Variants in AIFM1 observed in about 807,000 individuals in gnomAD.
AIFM1 encodes apoptosis-inducing factor 1, mitochondrial.
In AIFM1, 3 loss-of-function variants were observed where a neutral mutation model predicts 51.7. The observed-to-expected ratio is 0.06, with a 90% CI of 0.03 to 0.15. AIFM1 has a LOEUF of 0.15. Ranked by LOEUF, AIFM1 falls within the 10% of genes least tolerant of loss-of-function variation. The pLI is 1.00. For missense variants in AIFM1, 330 were observed against 476.8 expected, an observed-to-expected ratio of 0.69 and a Z score of 2.87; for synonymous variants, 178 against 179.4, an observed-to-expected ratio of 0.99 and a Z score of 0.06.
At position 130,136,124 on chromosome X, in the gene AIFM1, G is replaced by A. The variant is rs2030326148; in HGVS notation, c.1226C>T (p.Thr409Ile). The A allele has an allele frequency of 1.7e-6, 2 of 1,211,751 alleles. No homozygotes were observed. Among genetic ancestry groups the A allele is most frequent in the Non-Finnish European group, 2.2e-6 (2 of 895,374 alleles). ...GLEPNVELAK[T>I]GGLEIDSDFG... Reference sequence around the variant, plus strand: ...ATCTGAGTCTATTTCCAGGCCACCAGTCTTGGCCAACTCAACATTGGGCTC... The same window carrying A: ...ATCTGAGTCTATTTCCAGGCCACCAATCTTGGCCAACTCAACATTGGGCTC... Residue 409 changes from threonine (T) to isoleucine (I), a missense_variant, in exon 12 of 16, where the codon ACT (threonine) becomes ATT (isoleucine). Thr to Ile is a moderately conservative substitution (Grantham distance 89). Coordinates refer to ENST00000287295, the MANE Select transcript of AIFM1 (RefSeq NM_004208.4).
rs768150472 is a variant in AIFM1, at chrX:130,139,820, T to C, written c.833A>G (p.Lys278Arg). 5 of 1,209,345 alleles carry C rather than the reference T, an allele frequency of 4.1e-6. No homozygotes were observed. In the East Asian group the frequency reaches 1.5e-4, roughly 36 times the overall value. Residue 278 changes from lysine to arginine, a missense_variant, in exon 8 of 16, where the codon AAG (lysine) becomes AGG (arginine). Physicochemically the swap from Lys to Arg is conservative, Grantham distance 26. This residue lies in a region of AIFM1 where 152 missense variants were observed against 292.8 expected (regional missense o/e 0.52). Transcript: ENST00000287295. ...CTTTCTGAAAAGCGTTGTTCTACTC[T>C]TCACCTCTGCTCCAGCCCTATCAAT... The part of the protein sequence containing the change: ...SAIDRAGAEV[K>R]SRTTLFRKIG...
chrX:130,139,740 G>A, intron 8 of AIFM1, 55 bp downstream of exon 8: 1 of 1,157,327 alleles, frequency 8.6e-7, no homozygotes, highest in South Asian at 1.8e-5. Flanking sequence ...GGGACTGCAA[G>A]ATTATACTAC....
chrX:130,136,267 T>C, intron 11 of AIFM1, 82 bp from the exon 12 acceptor site: 1 of 1,101,823 alleles, frequency 9.1e-7, no homozygotes, highest in Non-Finnish European at 1.2e-6. Flanking sequence ...CTTCATGCCA[T>C]TAAGAATTGG....
intron 12 of AIFM1, among the ~76,000 whole-genome samples, chrX:130,133,795 A>G (rs1282824716): frequency 7.0e-5 from 7 of 99,873 alleles, no homozygotes; most frequent in African/African-American, 2.5e-4. Flanking sequence ...GCCTGGCTAA[A>G]TTTTTTTTTT....
intron 1 of AIFM1, among the ~76,000 whole-genome samples, chrX:130,164,993 G>A (rs1282441394): frequency 9.2e-6 from 1 of 109,118 alleles, no homozygotes; most frequent in Non-Finnish European, 1.9e-5. Context: ...GAAGTACACG[G>A]CTCAGGCATC....
At chrX:130,160,631 T>A (rs2031314942) in intron 1 of AIFM1, among the ~76,000 whole-genome samples, 1 of 112,081 alleles carries the variant, frequency 8.9e-6, no homozygotes, top group Non-Finnish European at 1.9e-5. Context: ...TTGCCCAGAC[T>A]AGACTCAAAC....
Position 130,139,863 on chromosome X carries a change from G to A in AIFM1, c.790C>T (p.Pro264Ser). The change falls in exon 8 of 16, where the codon CCA (proline) becomes TCA (serine). Residue 264 changes from proline to serine, a missense_variant. By Grantham distance (74) the Pro-to-Ser change is moderately conservative. Around this residue, in one of 4 missense-constraint regions of AIFM1, gnomAD observed 152 missense variants for 292.8 expected, o/e 0.52. Transcript: ENST00000287295. Reference sequence around the variant, plus strand: ...CTATCAATGGCAGACAGACTTCTTGGAGTACCTCCTGGAAATAAGAGAAGG... The same window carrying A: ...CTATCAATGGCAGACAGACTTCTTGAAGTACCTCCTGGAAATAAGAGAAGG... ...EKCLIATGGT[P>S]RSLSAIDRAG... is the part of the protein sequence containing the mutation. 8.3e-7 allele frequency: 1 copy of A among 1,209,083 alleles called. No homozygotes were observed. Among genetic ancestry groups the A allele is most frequent in the Non-Finnish European group, 1.1e-6 (1 of 893,353 alleles).
intron 6 of AIFM1, among the ~76,000 whole-genome samples, chrX:130,143,672 A>G (rs1169674956): frequency 2.0e-5 from 2 of 100,854 alleles, no homozygotes; most frequent in East Asian, 5.9e-4. Context: ...CCTACATGGT[A>G]AAACCCCATC....
chrX:130,150,977 CAAA>C (rs759870161), intron 2 of AIFM1, among the ~76,000 whole-genome samples: 21 of 27,794 alleles, frequency 7.6e-4, no homozygotes, highest in African/African-American at 3.6e-3. Flanking sequence ...GACTCTGTCT[CAAA>C]AAAAAAAAAA....
intron 5 of AIFM1, among the ~76,000 whole-genome samples, chrX:130,146,451 ATGTGTGTG>A (rs60694841): frequency 0.014 from 1,280 of 89,413 alleles, 23 homozygotes; most frequent in African/African-American, 0.048. Context: ...CTCTCAAAAT[ATGTGTGTG>A]TGTGTGTGTG....
rs138662844 is a variant in AIFM1 at position 130,149,477 on chromosome X, G to A, written c.341C>T (p.Ala114Val). 5.6e-5 allele frequency: 67 copies of A among 1,204,315 alleles called. No individual in the cohort carries two copies. The African/African-American group carries it at 8.1e-4, about 15-fold the overall frequency. ...CTTAAGGGAATACTCACCAGATAAC[G>A]CGGCCTTTTTCTGTTTCTGTTCTGG... is the stretch of plus-strand genomic sequence containing the variant. Reference protein sequence around the residue: ...LTPEQKQKKAALSASEGEEVP... With the variant: ...LTPEQKQKKAVLSASEGEEVP... The change falls in exon 3 of 16, where the codon GCG (alanine) becomes GTG (valine). Residue 114 changes from alanine (A) to valine (V), a missense_variant. By Grantham distance (64) the Ala-to-Val change is moderately conservative. This residue lies in a region of AIFM1 where 110 missense variants were observed against 103.1 expected (regional missense o/e 1.07). Transcript: ENST00000287295.
Sources: gnomAD v4.1 joint callset for allele counts (sites outside exome capture counted in the v4.1 genomes callset) on GRCh38, gnomAD v4.1.1 for gene constraint, gnomAD v4.1.1 regional missense constraint, MANE v1.5 for transcripts, NCBI Gene and HGNC (gene_info 2026-07-23, HGNC 2026-07-21) for gene names.